RUNX1: variants seen among roughly 807,000 people sequenced by gnomAD.
RUNX1 encodes runt-related transcription factor 1.
Under a neutral mutation model 42.8 loss-of-function variants are expected in RUNX1, and 19 were observed. The observed-to-expected ratio is 0.44, with a 90% CI of 0.31 to 0.65. The LOEUF (loss-of-function observed/expected upper bound fraction) is 0.65, where lower values mean the gene tolerates loss of function less well. RUNX1 is among the 30% of genes least tolerant of loss of function. RUNX1 has a pLI of 0.07. For missense variants in RUNX1, 528 were observed against 672.0 expected (o/e 0.79, Z 2.37); for synonymous variants, 271 against 289.4 (o/e 0.94, Z 0.64).
intron 8 of RUNX1, among the ~76,000 whole-genome samples, chr21:34,796,918 A>AC (rs2056536810): frequency 6.6e-6 from 1 of 152,230 alleles, no homozygotes; most frequent in Admixed American, 6.5e-5. Flanking sequence ...CCCAGCGCAG[A>AC]AGGAAGCCCA....
intron 6 of RUNX1, among the ~76,000 whole-genome samples, chr21:34,847,476 A>T (rs1198991941): frequency 1.4e-5 from 1 of 72,360 alleles, no homozygotes; most frequent in Non-Finnish European, 3.2e-5. Flanking sequence ...ATGCAAAACA[A>T]TAATAGATTT....
intron 2 of RUNX1, among the ~76,000 whole-genome samples, chr21:34,974,534 T>C (rs2058786646): frequency 6.6e-6 from 1 of 152,168 alleles, no homozygotes; most frequent in Non-Finnish European, 1.5e-5. Flanking sequence ...TCATGTTCCA[T>C]TTGGTTCTGT....
At position 34,791,307 on chromosome 21, in the gene RUNX1, A is replaced by AAT. The variant is rs2145867467; in HGVS notation, c.*827_*828insAT. 1 of 232,226 alleles carries AAT rather than the reference A, an allele frequency of 4.3e-6. No homozygotes were observed. The highest frequency in any genetic ancestry group is 8.5e-6 in the Non-Finnish European group (1 of 117,184). 14.4% of individuals were successfully genotyped at this position (232,226 alleles called of 1,614,324 possible). ...TGTAGTACTTGATATTTTTCTTAAT[A>AAT]TAAGTACATTTAAATAATTAAAAAA... On this transcript the variant is annotated 3_prime_UTR_variant, in exon 9 of 9. Coordinates refer to ENST00000675419, the MANE Select transcript of RUNX1 (RefSeq NM_001754.5).
intron 2 of RUNX1, among the ~76,000 whole-genome samples, chr21:34,978,979 C>CACACACACACACACACAG (rs1024924107): frequency 6.6e-6 from 1 of 151,572 alleles, no homozygotes; most frequent in East Asian, 1.9e-4. Flanking sequence ...CACACACACA[C>CACACACACACACACACAG]AGCATCTTTG....
At chr21:35,047,605 T>C (rs964225615) in intron 2 of RUNX1, among the ~76,000 whole-genome samples, 1 of 147,352 alleles carries the variant, frequency 6.8e-6, no homozygotes, top group Non-Finnish European at 1.5e-5. Context: ...TCTCATCAAG[T>C]TTTTTAATTT....
At chr21:35,032,968 GTCTATCCATCCA>G (rs981637354) in intron 2 of RUNX1, among the ~76,000 whole-genome samples, 4 of 152,134 alleles carry the variant, frequency 2.6e-5, no homozygotes, top group East Asian at 3.8e-4. Flanking sequence ...CCATCTATCT[GTCTATCCATCCA>G]TCTATCCATC....
At chr21:35,001,392 C>T (rs2059042422) in intron 2 of RUNX1, among the ~76,000 whole-genome samples, 1 of 151,094 alleles carries the variant, frequency 6.6e-6, no homozygotes, top group African/African-American at 2.4e-5. Context: ...TTCTATGGCA[C>T]TAATTACATT....
At chr21:34,811,354 C>T (rs2056756160) in intron 7 of RUNX1, among the ~76,000 whole-genome samples, 1 of 152,230 alleles carries the variant, frequency 6.6e-6, no homozygotes, top group Non-Finnish European at 1.5e-5. Context: ...TACCTTGTCA[C>T]AGCTCTTCTT....
intron 2 of RUNX1, among the ~76,000 whole-genome samples, chr21:34,994,010 T>C (rs1251274280): frequency 1.3e-5 from 2 of 152,220 alleles, no homozygotes; most frequent in Non-Finnish European, 2.9e-5. Context: ...GGGGAAAGGG[T>C]TGTTCCCTCC....
chr21:34,930,727 ACAC>A (rs1569110768), intron 2 of RUNX1, among the ~76,000 whole-genome samples: 1 of 151,656 alleles, frequency 6.6e-6, no homozygotes, highest in African/African-American at 2.4e-5. Flanking sequence ...TCTCACACAC[ACAC>A]ACACACACAC....
At chr21:34,924,052 C>T (rs2058374275) in intron 2 of RUNX1, among the ~76,000 whole-genome samples, 1 of 150,748 alleles carries the variant, frequency 6.6e-6, no homozygotes, top group Non-Finnish European at 1.5e-5. Context: ...CGTGACAGGG[C>T]AGTTCACAAG....
intron 2 of RUNX1, among the ~76,000 whole-genome samples, chr21:34,982,710 C>T (rs2058856624): frequency 6.6e-6 from 1 of 152,146 alleles, no homozygotes; most frequent in Non-Finnish European, 1.5e-5. Context: ...GCTGGGATTA[C>T]AGGCGCGTGC....
chr21:34,902,501 A>C (rs1039721655), intron 2 of RUNX1, among the ~76,000 whole-genome samples: 3 of 152,218 alleles, frequency 2.0e-5, no homozygotes, highest in Non-Finnish European at 2.9e-5. Context: ...ACATAAATAC[A>C]TATATATTCT....
chr21:34,920,759 T>C (rs1357059399), intron 2 of RUNX1, among the ~76,000 whole-genome samples: 2 of 144,568 alleles, frequency 1.4e-5, no homozygotes, highest in African/African-American at 5.0e-5. Context: ...TTTGTGTAAA[T>C]ACCAGGAGCT....
intron 7 of RUNX1, among the ~76,000 whole-genome samples, chr21:34,816,545 G>A (rs2056829837): frequency 6.6e-6 from 1 of 152,180 alleles, no homozygotes; most frequent in Non-Finnish European, 1.5e-5. Context: ...AGAAGGCAAT[G>A]TGTGGGGAAA....
At chr21:34,851,560 TAAG>T (rs780776970) in intron 6 of RUNX1, among the ~76,000 whole-genome samples, 22 of 152,246 alleles carry the variant, frequency 1.4e-4, no homozygotes, top group Middle Eastern at 6.8e-3. Flanking sequence ...GTTTGAAGCT[TAAG>T]AAACAGAAGC....
chr21:34,928,409 C>T (rs534486808), intron 2 of RUNX1, among the ~76,000 whole-genome samples: 28 of 152,154 alleles, frequency 1.8e-4, no homozygotes, highest in African/African-American at 5.3e-4. Flanking sequence ...GGCCAAGTTA[C>T]GAGGCCAGGT....
In RUNX1 at chr21:34,901,149, C is replaced by T. The variant is rs143103122; in HGVS notation, c.59-8186G>A. 3.7e-3 allele frequency among the ~76,000 whole-genome samples: 569 copies of T among 152,104 alleles called. 4 individuals carry two copies. Among genetic ancestry groups the T allele is most frequent in the Non-Finnish European group, 6.1e-3 (414 of 68,026 alleles). On this transcript the variant is annotated intron_variant, in intron 2 of 8. Transcript: ENST00000675419. This position sits in a 1 kb window ranked among gnomAD's most constrained non-coding sequence, Gnocchi z 4.3. ...TTCACAACAGAAACCACTGCCCCTA[C>T]TTGCCTGTGTTGGTTCTTAAGGGGC...
intron 2 of RUNX1, among the ~76,000 whole-genome samples, chr21:34,918,637 T>C (rs531258736): frequency 2.1e-4 from 32 of 152,242 alleles, no homozygotes; most frequent in South Asian, 1.2e-3. Flanking sequence ...AGGCCGGGCG[T>C]GGTGGCTCAC....
Sources: gnomAD v4.1 joint callset for allele counts (sites outside exome capture counted in the v4.1 genomes callset) on GRCh38, gnomAD v4.1.1 for gene constraint, Gnocchi (gnomAD v3.1) non-coding constraint, MANE v1.5 for transcripts, NCBI Gene and HGNC (gene_info 2026-07-23, HGNC 2026-07-21) for gene names.